Variants in MAD1L1 observed in about 807,000 individuals in gnomAD.
MAD1L1 encodes the protein mitotic arrest deficient 1 like 1.
MAD1L1 carries 95 observed loss-of-function variants against 96.9 expected under a neutral mutation model. The observed-to-expected ratio is 0.98, with a 90% CI of 0.83 to 1.16. MAD1L1 has a LOEUF of 1.16. MAD1L1 is among the 50% of genes most tolerant of loss of function. MAD1L1 has a pLI of 0.00. For missense variants in MAD1L1, 1,007 were observed against 954.4 expected, an observed-to-expected ratio of 1.06 and a Z score of -0.73; for synonymous variants, 473 against 396.6, an observed-to-expected ratio of 1.19 and a Z score of -2.29.
chr7:2,100,668 C>G (rs575462408), intron 11 of MAD1L1, among the ~76,000 whole-genome samples: 1 of 152,366 alleles, frequency 6.6e-6, no homozygotes, highest in South Asian at 2.1e-4. Context: ...ACACAGCAAG[C>G]AGGGAGAGTG....
At chr7:1,868,948 G>A (rs1387100603) in intron 18 of MAD1L1, among the ~76,000 whole-genome samples, 2 of 152,224 alleles carry the variant, frequency 1.3e-5, no homozygotes, top group African/African-American at 2.4e-5. Context: ...GCGCCAGGCA[G>A]AAAGCTAGCC....
intron 18 of MAD1L1, among the ~76,000 whole-genome samples, chr7:1,825,938 T>C (rs1215853616): frequency 1.3e-5 from 2 of 151,462 alleles, no homozygotes; most frequent in Admixed American, 6.6e-5. Flanking sequence ...CCAGGCGGGG[T>C]TGGAGGCCAG....
intron 18 of MAD1L1, among the ~76,000 whole-genome samples, chr7:1,886,817 T>G (rs1480700200): frequency 1.3e-5 from 2 of 152,094 alleles, no homozygotes; most frequent in African/African-American, 4.8e-5. Flanking sequence ...AGGTGAGGAG[T>G]GAGCACAGGT....
chr7:2,230,175 G>T, intron 2 of MAD1L1, 32 bp from the exon 3 acceptor site: 1 of 1,553,008 alleles, frequency 6.4e-7, no homozygotes, highest in Non-Finnish European at 8.7e-7. Context: ...CTGGTCAGGG[G>T]CAGCCTTTCC....
chr7:1,905,879 G>C (rs113953869), intron 17 of MAD1L1, among the ~76,000 whole-genome samples: 2 of 152,030 alleles, frequency 1.3e-5, no homozygotes, highest in Non-Finnish European at 2.9e-5. Context: ...GTGAAACCCT[G>C]TCTCTACCAA....
intron 17 of MAD1L1, among the ~76,000 whole-genome samples, chr7:1,899,661 A>G (rs1389026677): frequency 6.6e-6 from 1 of 152,138 alleles, no homozygotes; most frequent in Non-Finnish European, 1.5e-5. Flanking sequence ...GGCCCCAGAA[A>G]GGGTGTGGGG....
intron 15 of MAD1L1, among the ~76,000 whole-genome samples, chr7:1,961,811 G>C (rs1779961521): frequency 6.6e-6 from 1 of 151,724 alleles, no homozygotes; most frequent in Admixed American, 6.5e-5. Flanking sequence ...TGTTGTGGGA[G>C]GGACATGGTG....
rs566491453 is a variant in MAD1L1 at position 1,882,762 on chromosome 7, G to C, written c.1998+15438C>G. Among the ~76,000 whole-genome samples, 357 of 152,282 alleles carry C rather than the reference G, an allele frequency of 2.3e-3. 1 individual carries two copies. Among genetic ancestry groups the C allele is most frequent in the African/African-American group, 8.2e-3 (339 of 41,560 alleles). Reference sequence around the variant, plus strand: ...ATGGCCCCTCGCCCCCCTTCCCACCGCTGGGGTCCACACCCAGGCCTGCCC... The same window carrying C: ...ATGGCCCCTCGCCCCCCTTCCCACCCCTGGGGTCCACACCCAGGCCTGCCC... On this transcript the variant is annotated intron_variant, in intron 18 of 18. Coordinates refer to ENST00000265854, the MANE Select transcript of MAD1L1 (RefSeq NM_001013836.2).
chr7:2,183,878 T>G (rs1242396120), intron 10 of MAD1L1, among the ~76,000 whole-genome samples: 1 of 151,688 alleles, frequency 6.6e-6, no homozygotes. Flanking sequence ...GTTGTGCACA[T>G]GTACCCTAAA....
chr7:1,963,360 AAGACTCGAC>A (rs2128476186), intron 15 of MAD1L1, among the ~76,000 whole-genome samples: 1 of 152,268 alleles, frequency 6.6e-6, no homozygotes, highest in Non-Finnish European at 1.5e-5. Context: ...CCATGCCCAG[AAGACTCGAC>A]AGCCGCCCGC....
intron 18 of MAD1L1, among the ~76,000 whole-genome samples, chr7:1,887,883 G>GTA (rs1562491996): frequency 2.0e-5 from 3 of 151,968 alleles, no homozygotes; most frequent in South Asian, 2.1e-4. Context: ...AAGCATGCGT[G>GTA]TGTGTGGCTG....
chr7:2,213,362 C>T (rs895265243), intron 9 of MAD1L1, 89 bp from the exon 10 acceptor site: 19 of 1,234,024 alleles, frequency 1.5e-5, no homozygotes, highest in Non-Finnish European at 2.1e-5. Flanking sequence ...GTGCTAAGTC[C>T]CTGACCTCTC....
At chr7:2,140,188 C>T (rs1584412498) in intron 11 of MAD1L1, among the ~76,000 whole-genome samples, 2 of 152,360 alleles carry the variant, frequency 1.3e-5, no homozygotes, top group South Asian at 4.1e-4. Context: ...CCACTCTTGT[C>T]AATCCTTGGT....
intron 18 of MAD1L1, among the ~76,000 whole-genome samples, chr7:1,884,347 G>C (rs1054883038): frequency 6.6e-6 from 1 of 152,184 alleles, no homozygotes; most frequent in East Asian, 1.9e-4. Flanking sequence ...CCACATGTCC[G>C]GGCAGCCACC....
chr7:2,225,397 C>T lies in MAD1L1; in HGVS notation c.291+13G>A, dbSNP rs202219298. The stretch of plus-strand genomic sequence containing the variant: ...GGGCTGTCTGGGCCGACCCTCGCCC[C>T]GCCTGAACCCACCTCGTAGTTCCTG... On this transcript the variant is annotated intron_variant, in intron 4 of 18. Coordinates refer to ENST00000265854, the MANE Select transcript of MAD1L1 (RefSeq NM_001013836.2). 6.9e-5 allele frequency: 112 copies of T among 1,613,494 alleles called. 1 individual carries two copies. The African/African-American group carries it at 1.1e-3, about 17-fold the overall frequency.
intron 18 of MAD1L1, among the ~76,000 whole-genome samples, chr7:1,897,457 C>G (rs966945105): frequency 1.3e-5 from 2 of 152,210 alleles, no homozygotes; most frequent in South Asian, 2.1e-4. Context: ...AATGCCACAC[C>G]AGGCCGACGG....
At chr7:2,227,138 T>C (rs1019404180) in intron 3 of MAD1L1, among the ~76,000 whole-genome samples, 1 of 150,830 alleles carries the variant, frequency 6.6e-6, no homozygotes, top group Admixed American at 6.6e-5. Context: ...TACTCAAAAC[T>C]ATGAAAATTA....
At chr7:2,014,991 G>A (rs1462637263) in intron 12 of MAD1L1, among the ~76,000 whole-genome samples, 1 of 152,234 alleles carries the variant, frequency 6.6e-6, no homozygotes, top group Non-Finnish European at 1.5e-5. Flanking sequence ...GCACACACAA[G>A]GCGAGGGCGC....
chr7:2,067,828 G>A (rs907642399), intron 12 of MAD1L1, among the ~76,000 whole-genome samples: 1 of 152,244 alleles, frequency 6.6e-6, no homozygotes, highest in Non-Finnish European at 1.5e-5. Context: ...GCCCTTCTGC[G>A]GCACCACCAC....
Sources: allele counts gnomAD v4.1 joint callset (sites outside exome capture counted in the v4.1 genomes callset), GRCh38; gene constraint gnomAD v4.1.1; transcripts MANE v1.5; gene names NCBI Gene and HGNC (gene_info 2026-07-23, HGNC 2026-07-21).